The following ADCY2 variants were observed in gnomAD, a reference collection of about 807,000 sequenced individuals.
ADCY2 encodes adenylate cyclase 2.
In ADCY2, 31 loss-of-function variants were observed where a neutral mutation model predicts 125.2. That is an observed-to-expected ratio of 0.25 (90% CI 0.19 to 0.33). ADCY2 has a LOEUF of 0.33. ADCY2 is among the 10% of genes least tolerant of loss of function. The pLI is 1.00. For synonymous variants in ADCY2, 512 were observed against 548.4 expected (o/e 0.93, Z 0.93); for missense variants, 904 against 1,418.2 (o/e 0.64, Z 5.82).
At chr5:7,775,642 C>T (rs1743698265) in intron 18 of ADCY2, among the ~76,000 whole-genome samples, 1 of 152,236 alleles carries the variant, frequency 6.6e-6, no homozygotes, top group South Asian at 2.1e-4. Context: ...CCACCTGCCT[C>T]AGCCTCCCAA....
At chr5:7,784,125 T>G (rs1260747245) in intron 18 of ADCY2, among the ~76,000 whole-genome samples, 2 of 152,184 alleles carry the variant, frequency 1.3e-5, no homozygotes, top group African/African-American at 4.8e-5. Context: ...CTTTTCATAT[T>G]TGGTATAGCT....
chr5:7,745,816 T>C (rs949767764), intron 15 of ADCY2, among the ~76,000 whole-genome samples: 1 of 152,246 alleles, frequency 6.6e-6, no homozygotes, highest in East Asian at 1.9e-4. Context: ...GTCTTGGATA[T>C]GGGGGCATGT....
intron 2 of ADCY2, among the ~76,000 whole-genome samples, chr5:7,422,810 A>G (rs1740252632): frequency 1.3e-5 from 2 of 152,174 alleles, no homozygotes; most frequent in African/African-American, 4.8e-5. Flanking sequence ...ATCTTTTTTT[A>G]TTGAAAATGA....
At chr5:7,589,518 A>AG (rs199516495) in intron 3 of ADCY2, among the ~76,000 whole-genome samples, 1,846 of 98,220 alleles carry the variant, frequency 0.019, 102 homozygotes, top group African/African-American at 0.056. Context: ...AAGAAAAGAA[A>AG]AGAAAGAGAA....
chr5:7,470,647 TG>T, intron 2 of ADCY2, among the ~76,000 whole-genome samples: 1 of 150,694 alleles, frequency 6.6e-6, no homozygotes, highest in Non-Finnish European at 1.5e-5. Context: ...TGTGTGTGTG[TG>T]TGTGTGTGTT....
rs2014967 is a variant in ADCY2 at position 7,656,349 on chromosome 5, C to T, written c.720+30033C>T. The stretch of plus-strand genomic sequence containing the variant: ...GGTTACAGGCGTGAGCCACGGCACC[C>T]GGCCAACTGCTAGTGCTAAAACACT... On this transcript the variant is annotated intron_variant, in intron 4 of 24. Transcript: ENST00000338316. Among the ~76,000 whole-genome samples, 15 of 152,296 alleles carry T rather than the reference C, an allele frequency of 9.8e-5. No individual in the cohort carries two copies. In the East Asian group the frequency reaches 1.9e-3, roughly 20 times the overall value.
chr5:7,739,456 A>G (rs1335564944), intron 14 of ADCY2, among the ~76,000 whole-genome samples: 4 of 151,904 alleles, frequency 2.6e-5, no homozygotes, highest in Non-Finnish European at 1.5e-5. Flanking sequence ...ATGCTTTAAA[A>G]TTAGAAAAGA....
chr5:7,691,119 A>G lies in ADCY2; in HGVS notation c.869+280A>G, dbSNP rs184326458. The G allele has an allele frequency of 3.0e-5, 7 of 234,982 alleles. No homozygotes were observed. The Admixed American group carries it at 3.9e-4, about 13-fold the overall frequency. The allele number at this position is 234,982 out of a possible 1,614,324, so 14.6% of individuals were successfully genotyped here. A position where few individuals can be genotyped will look rare whatever the true frequency, so the allele number is the denominator to read the frequency against. ...AAGCATCCATCACAGAAAGGAGTGAAGGGGACAGCGGGGTCTTCATTCTGG... is the reference window on the plus strand; with the variant it reads ...AAGCATCCATCACAGAAAGGAGTGAGGGGGACAGCGGGGTCTTCATTCTGG... On this transcript the variant is annotated intron_variant, in intron 5 of 24. Transcript: ENST00000338316.
In ADCY2 at chr5:7,507,399, C is replaced by T. The variant is rs1272429888; in HGVS notation, c.409-13339C>T. 3.2e-5 allele frequency among the ~76,000 whole-genome samples: 4 copies of T among 123,380 alleles called. 1 individual carries two copies. Among genetic ancestry groups the T allele is most frequent in the Non-Finnish European group, 6.8e-5 (4 of 58,812 alleles). The allele number at this position is 123,380 out of a possible 152,430, so 80.9% of individuals were successfully genotyped here. On this transcript the variant is annotated intron_variant, in intron 2 of 24. Coordinates refer to ENST00000338316, the MANE Select transcript of ADCY2 (RefSeq NM_020546.3). ...GAGCTTGCAGTGAGCCGAGATCATA[C>T]CACTGCACTCCAGCCTGGGCGACAG...
In ADCY2 at chr5:7,713,261, C is replaced by T. The variant is rs200078121; in HGVS notation, c.1622+362C>T. On this transcript the variant is annotated intron_variant, in intron 11 of 24. Transcript: ENST00000338316. Reference sequence around the variant, plus strand: ...ATCCCAGCACTTTGGGAGGCTGAGGCGGGTGGATCACTTGAGATCAGGAGT... The same window carrying T: ...ATCCCAGCACTTTGGGAGGCTGAGGTGGGTGGATCACTTGAGATCAGGAGT... Among the ~76,000 whole-genome samples, 14 of 152,018 alleles carry T rather than the reference C, an allele frequency of 9.2e-5. No individual in the cohort carries two copies. The East Asian group carries it at 1.2e-3, about 13-fold the overall frequency.
chr5:7,423,812 C>G (rs759649975), intron 2 of ADCY2, among the ~76,000 whole-genome samples: 2 of 152,148 alleles, frequency 1.3e-5, no homozygotes, highest in Non-Finnish European at 2.9e-5. Flanking sequence ...AACATTCTCT[C>G]TGCTCCTCCT....
intron 13 of ADCY2, among the ~76,000 whole-genome samples, chr5:7,726,240 T>A (rs1741926964): frequency 6.6e-6 from 1 of 152,214 alleles, no homozygotes; most frequent in Admixed American, 6.5e-5. Context: ...CAACCTTTCG[T>A]AAGGCAGTTG....
At chr5:7,825,951 C>T (rs1488448706) in intron 24 of ADCY2, among the ~76,000 whole-genome samples, 2 of 152,200 alleles carry the variant, frequency 1.3e-5, no homozygotes, top group Non-Finnish European at 2.9e-5. Flanking sequence ...GTTCAGCTGC[C>T]GGGTCCCTCG....
intron 4 of ADCY2, among the ~76,000 whole-genome samples, chr5:7,644,281 G>T (rs910689831): frequency 1.3e-5 from 2 of 151,958 alleles, no homozygotes; most frequent in African/African-American, 4.8e-5. Flanking sequence ...CCTCCTCCTT[G>T]ATTTCCTCAG....
chr5:7,641,093 A>G (rs1475357269), intron 4 of ADCY2, among the ~76,000 whole-genome samples: 1 of 152,158 alleles, frequency 6.6e-6, no homozygotes, highest in African/African-American at 2.4e-5. Context: ...AGATTATAAG[A>G]ACTATGAGAC....
chr5:7,511,883 A>T (rs143994764), intron 2 of ADCY2, among the ~76,000 whole-genome samples: 49 of 152,126 alleles, frequency 3.2e-4, no homozygotes, highest in African/African-American at 1.2e-3. Flanking sequence ...AGAGACCCTT[A>T]TTGGCATGAT....
intron 2 of ADCY2, among the ~76,000 whole-genome samples, chr5:7,430,808 TAGA>T (rs1740571282): frequency 6.6e-6 from 1 of 152,048 alleles, no homozygotes; most frequent in Non-Finnish European, 1.5e-5. Flanking sequence ...AGGAAATACT[TAGA>T]AGTAAATTTG....
intron 4 of ADCY2, among the ~76,000 whole-genome samples, chr5:7,688,478 A>AGGCT (rs527622411): frequency 8.8e-4 from 134 of 152,026 alleles, no homozygotes; most frequent in African/African-American, 3.2e-3. Flanking sequence ...CATGTTGGCC[A>AGGCT]GGCTGGTCTC....
chr5:7,418,511 G>A (rs887438561), intron 2 of ADCY2, among the ~76,000 whole-genome samples: 3 of 152,162 alleles, frequency 2.0e-5, no homozygotes, highest in East Asian at 1.9e-4. Flanking sequence ...GCAGTGGACC[G>A]GCTCATACCC....
Sources: gnomAD v4.1 joint callset for allele counts (sites outside exome capture counted in the v4.1 genomes callset) on GRCh38, gnomAD v4.1.1 for gene constraint, MANE v1.5 for transcripts, NCBI Gene and HGNC (gene_info 2026-07-23, HGNC 2026-07-21) for gene names.